Variants in GAPVD1 observed in about 807,000 individuals in gnomAD.
The protein encoded by GAPVD1 is GTPase-activating protein and VPS9 domain-containing protein 1.
In GAPVD1, 35 loss-of-function variants were observed where a neutral mutation model predicts 155.5. The observed-to-expected ratio is 0.23, with a 90% CI of 0.17 to 0.30. GAPVD1 has a LOEUF of 0.30. GAPVD1 is among the 10% of genes least tolerant of loss of function. GAPVD1 has a pLI of 1.00. For missense variants in GAPVD1, 1,429 were observed against 1,775.7 expected, an observed-to-expected ratio of 0.80 and a Z score of 3.51; for synonymous variants, 636 against 619.7, an observed-to-expected ratio of 1.03 and a Z score of -0.39.
chr9:125,275,189 C>T (rs1835569460), intron 2 of GAPVD1, among the ~76,000 whole-genome samples: 1 of 152,102 alleles, frequency 6.6e-6, no homozygotes, highest in Non-Finnish European at 1.5e-5. Flanking sequence ...GATTCTTCTG[C>T]CTCAGCCTCC....
chr9:125,284,106 C>T (rs530025330), intron 2 of GAPVD1, among the ~76,000 whole-genome samples: 28 of 151,680 alleles, frequency 1.8e-4, no homozygotes, highest in African/African-American at 6.0e-4. Flanking sequence ...GAACTCCTGA[C>T]CTCAAGTGAT....
intron 6 of GAPVD1, among the ~76,000 whole-genome samples, chr9:125,306,492 C>T (rs955212743): frequency 9.2e-5 from 14 of 152,056 alleles, no homozygotes; most frequent in Admixed American, 7.2e-4. Context: ...TGTTTGTCTC[C>T]AACATCTTAT....
intron 24 of GAPVD1, 36 bp from the exon 25 acceptor site, chr9:125,355,608 A>C: frequency 8.2e-7 from 1 of 1,213,108 alleles, no homozygotes; most frequent in Non-Finnish European, 1.2e-6. Flanking sequence ...GATAGTTTTT[A>C]TTAAACTATT....
At chr9:125,315,022 C>T (rs4631568) in intron 9 of GAPVD1, among the ~76,000 whole-genome samples, 5,321 of 152,104 alleles carry the variant, frequency 0.035, 335 homozygotes, top group African/African-American at 0.12. Context: ...CTCCTGACCT[C>T]GTGATCCGCC....
At chr9:125,355,889 A>T in intron 25 of GAPVD1, 32 bp downstream of exon 25, 5 of 1,161,148 alleles carry the variant, frequency 4.3e-6, no homozygotes, top group African/African-American at 1.5e-5. Context: ...GCCTATGTGG[A>T]ACTACATAGG....
chr9:125,343,895 A>C (rs1848172810), intron 19 of GAPVD1, among the ~76,000 whole-genome samples: 1 of 152,238 alleles, frequency 6.6e-6, no homozygotes, highest in Non-Finnish European at 1.5e-5. Flanking sequence ...TGTTTTTAAA[A>C]TGTTGAATCA....
intron 15 of GAPVD1, among the ~76,000 whole-genome samples, chr9:125,333,786 C>T (rs1012213532): frequency 5.9e-5 from 9 of 152,154 alleles, no homozygotes; most frequent in African/African-American, 1.2e-4. Context: ...CCGCGCTCTG[C>T]GAGGTACTTT....
intron 8 of GAPVD1, chr9:125,308,611 T>C (rs2131113084): frequency 6.6e-6 from 1 of 152,300 alleles, no homozygotes; most frequent in South Asian, 2.1e-4. Context: ...ACATTTGCTA[T>C]CTATCTGTCT....
At chr9:125,264,432 T>C (rs192805505) in intron 1 of GAPVD1, among the ~76,000 whole-genome samples, 100 of 152,224 alleles carry the variant, frequency 6.6e-4, no homozygotes, top group African/African-American at 2.1e-3. Context: ...TGACCTCAGG[T>C]GATCTGCCTG....
intron 20 of GAPVD1, 132 bp downstream of exon 20, chr9:125,347,073 C>T: frequency 1.2e-6 from 1 of 832,180 alleles, no homozygotes; most frequent in Non-Finnish European, 1.9e-6. Flanking sequence ...TACAGACTGC[C>T]TAAACAAATG....
chr9:125,284,243 G>C (rs1366527679), intron 2 of GAPVD1, among the ~76,000 whole-genome samples: 1 of 143,230 alleles, frequency 7.0e-6, no homozygotes. Context: ...GAAGTGCAGT[G>C]GTGCGATCTC....
In GAPVD1 at chr9:125,307,488, C is replaced by A. The variant is rs771538412; in HGVS notation, c.1192C>A (p.Leu398Ile). The A allele has an allele frequency of 6.2e-5, 100 of 1,610,774 alleles. No homozygotes were observed. Among genetic ancestry groups the A allele is most frequent in the Non-Finnish European group, 8.4e-5 (99 of 1,177,130 alleles). ...GACCCCTCCATTGTCTTCCGTCAATCTTCTGGAAGGATTGAGCAGAACTGT... is the reference window on the plus strand; with the variant it reads ...GACCCCTCCATTGTCTTCCGTCAATATTCTGGAAGGATTGAGCAGAACTGT... ...VETPPLSSVNLLEGLSRTVVY... is the reference protein window; with the variant it reads ...VETPPLSSVNILEGLSRTVVY... The change falls in exon 7 of 28, where the codon CTT becomes ATT. Residue 398 changes from leucine (L) to isoleucine (I), a missense_variant. This residue lies in a region of GAPVD1 where 628 missense variants were observed against 733.4 expected (regional missense o/e 0.86). Coordinates refer to ENST00000297933, the MANE Select transcript of GAPVD1 (RefSeq NM_001282680.3).
chr9:125,298,955 C>T lies in GAPVD1; in HGVS notation c.34C>T (p.His12Tyr). Residue 12 changes from histidine to tyrosine, a missense_variant, in exon 4 of 28, where the codon CAC (histidine) becomes TAC (tyrosine). His to Tyr is a moderately conservative substitution (Grantham distance 83, BLOSUM62 2). Around this residue, in one of 4 missense-constraint regions of GAPVD1, gnomAD observed 628 missense variants for 733.4 expected, o/e 0.86. Transcript: ENST00000297933. ...ACTAGATATTCATACTCTGGCTCAT[C>T]ACCTCAAGCAGGAACGCTTATATGT... ...VKLDIHTLAH[H>Y]LKQERLYVNS... The T allele has an allele frequency of 4.3e-6, 7 of 1,609,818 alleles. No individual in the cohort carries two copies. Among genetic ancestry groups the T allele is most frequent in the Non-Finnish European group, 5.9e-6 (7 of 1,178,230 alleles).
chr9:125,359,742 T>C lies in GAPVD1; in HGVS notation c.4044+250T>C, dbSNP rs1850651913. ...ATGCCACTTCTCAAGTCAGCCCTGC[T>C]CTCAGGGGCAGTACCTCTCCATCAG... is the stretch of plus-strand genomic sequence containing the variant. On this transcript the variant is annotated intron_variant, in intron 26 of 27. Transcript: ENST00000297933. The C allele has an allele frequency of 2.2e-5, 10 of 447,632 alleles. No homozygotes were observed. In the Admixed American group the frequency reaches 3.5e-4, roughly 15 times the overall value. The allele number at this position is 447,632 out of a possible 1,614,324, so 27.7% of individuals were successfully genotyped here.
In GAPVD1 at chr9:125,302,098, A is replaced by G. The variant is rs1211453108; in HGVS notation, c.301A>G (p.Ser101Gly). ...GGAGACTGCTTATGGAGAATTCTTG[A>G]GTCGATTGAGGGAAAATCCTCGTCT... is the stretch of plus-strand genomic sequence containing the variant. The part of the protein sequence containing the change: ...FQETAYGEFL[S>G]RLRENPRLIA... The change falls in exon 5 of 28, where the codon AGT (serine) becomes GGT (glycine). Residue 101 changes from serine (S) to glycine (G), a missense_variant. Ser to Gly is a moderately conservative substitution (Grantham distance 56). Coordinates refer to ENST00000297933, the MANE Select transcript of GAPVD1 (RefSeq NM_001282680.3). 6.2e-7 allele frequency: 1 copy of G among 1,613,494 alleles called. No homozygotes were observed.
chr9:125,358,364 C>G (rs1169352077), intron 25 of GAPVD1, among the ~76,000 whole-genome samples: 1 of 152,178 alleles, frequency 6.6e-6, no homozygotes, highest in Non-Finnish European at 1.5e-5. Flanking sequence ...CCTTGGCCTC[C>G]TGAAGTACTG....
intron 2 of GAPVD1, among the ~76,000 whole-genome samples, chr9:125,276,389 T>A (rs886076768): frequency 1.3e-5 from 2 of 152,188 alleles, no homozygotes; most frequent in Admixed American, 6.6e-5. Flanking sequence ...TACTGCCTAA[T>A]TTTGAAGAAA....
intron 1 of GAPVD1, 45 bp downstream of exon 1, chr9:125,262,004 C>T (rs1197100857): frequency 6.6e-6 from 1 of 152,602 alleles, no homozygotes; most frequent in Non-Finnish European, 1.5e-5. Flanking sequence ...GAGCGGCTCC[C>T]TGCCTCGCGG....
At chr9:125,263,390 A>G (rs150014024) in intron 1 of GAPVD1, among the ~76,000 whole-genome samples, 222 of 152,372 alleles carry the variant, frequency 1.5e-3, no homozygotes, top group African/African-American at 4.9e-3. Flanking sequence ...TGGATATTGC[A>G]GTGAGCCAAG....
Sources: gnomAD v4.1 joint callset for allele counts (sites outside exome capture counted in the v4.1 genomes callset) on GRCh38, gnomAD v4.1.1 for gene constraint, gnomAD v4.1.1 regional missense constraint, MANE v1.5 for transcripts, NCBI Gene and HGNC (gene_info 2026-07-23, HGNC 2026-07-21) for gene names.